NBEA: variants seen among roughly 807,000 people sequenced by gnomAD.
NBEA encodes neurobeachin.
Under a neutral mutation model 343.4 loss-of-function variants are expected in NBEA, and 44 were observed. The ratio of observed to expected loss-of-function variants is 0.13; its 90% CI spans 0.10 to 0.16. The LOEUF (loss-of-function observed/expected upper bound fraction) is 0.16. NBEA is among the 10% of genes least tolerant of loss of function. NBEA has a pLI of 1.00. For missense variants in NBEA, 2,555 were observed against 3,631.3 expected, an observed-to-expected ratio of 0.70 and a Z score of 7.62; for synonymous variants, 1,175 against 1,238.7, an observed-to-expected ratio of 0.95 and a Z score of 1.08.
At chr13:35,035,592 A>G (rs1270800065) in intron 1 of NBEA, among the ~76,000 whole-genome samples, 1 of 151,992 alleles carries the variant, frequency 6.6e-6, no homozygotes, top group African/African-American at 2.4e-5. Context: ...AGATGTGTCC[A>G]GTGCTGAAAG....
At chr13:35,469,779 T>C (rs559448778) in intron 40 of NBEA, among the ~76,000 whole-genome samples, 1 of 152,348 alleles carries the variant, frequency 6.6e-6, no homozygotes. Context: ...CAGAATCAGC[T>C]AGATCACCAT....
In NBEA at chr13:35,150,047, A is replaced by T. The variant is rs1296482491; in HGVS notation, c.2446-5727A>T. Among the ~76,000 whole-genome samples the T allele has an allele frequency of 3.9e-5, 6 of 152,316 alleles. No individual in the cohort carries two copies. In the East Asian group the frequency reaches 1.2e-3, roughly 29 times the overall value. On this transcript the variant is annotated intron_variant, in intron 18 of 58. Transcript: ENST00000379939. ...GCTGGTCCTGTGTCTTAGATGAGGA[A>T]AACTCAAGATAAGTTTGAATTCTCT... is the stretch of plus-strand genomic sequence containing the variant.
chr13:35,158,480 T>TAAGTA (rs915857867), intron 21 of NBEA, among the ~76,000 whole-genome samples: 1 of 152,092 alleles, frequency 6.6e-6, no homozygotes, highest in South Asian at 2.1e-4. Context: ...TAAAGAAGCC[T>TAAGTA]AAGTAAAGTA....
intron 13 of NBEA, among the ~76,000 whole-genome samples, chr13:35,112,021 G>A (rs1272851404): frequency 1.5e-4 from 22 of 146,612 alleles, no homozygotes; most frequent in African/African-American, 4.1e-4. Context: ...GGTTCATGCC[G>A]TTCTCCTGCC....
intron 6 of NBEA, among the ~76,000 whole-genome samples, chr13:35,055,779 C>T (rs1406795146): frequency 2.0e-5 from 3 of 152,014 alleles, no homozygotes; most frequent in South Asian, 2.1e-4. Context: ...AGGAACGTCA[C>T]GCTGGAGGTC....
At chr13:35,550,211 A>G (rs1309528347) in intron 41 of NBEA, among the ~76,000 whole-genome samples, 3 of 152,164 alleles carry the variant, frequency 2.0e-5, no homozygotes, top group African/African-American at 7.2e-5. Flanking sequence ...AATTATATAC[A>G]AGACCCAAAA....
intron 41 of NBEA, among the ~76,000 whole-genome samples, chr13:35,530,822 A>G (rs1375216239): frequency 1.3e-5 from 2 of 152,218 alleles, no homozygotes; most frequent in Non-Finnish European, 2.9e-5. Flanking sequence ...AGTGCCAGAA[A>G]CATGCCATCT....
At chr13:34,985,018 A>G (rs2060495730) in intron 1 of NBEA, among the ~76,000 whole-genome samples, 1 of 150,958 alleles carries the variant, frequency 6.6e-6, no homozygotes, top group Non-Finnish European at 1.5e-5. Flanking sequence ...TTCCTAATTG[A>G]ATATGCTTTA....
chr13:34,966,618 T>C (rs1693460869), intron 1 of NBEA, among the ~76,000 whole-genome samples: 1 of 150,404 alleles, frequency 6.6e-6, no homozygotes, highest in African/African-American at 2.5e-5. Flanking sequence ...TCTCTGAGCC[T>C]GTGTTTTTTT....
intron 38 of NBEA, among the ~76,000 whole-genome samples, chr13:35,415,071 G>A (rs1219125475): frequency 6.6e-6 from 1 of 152,128 alleles, no homozygotes; most frequent in Non-Finnish European, 1.5e-5. Context: ...CCCACTTTTT[G>A]ATGGGGTTGT....
intron 36 of NBEA, among the ~76,000 whole-genome samples, chr13:35,343,113 A>T (rs1010025549): frequency 6.6e-6 from 1 of 152,132 alleles, no homozygotes; most frequent in African/African-American, 2.4e-5. Flanking sequence ...CTATATTGAT[A>T]TTTTAAAAAA....
intron 47 of NBEA, among the ~76,000 whole-genome samples, chr13:35,603,691 G>A (rs1306843709): frequency 6.6e-6 from 1 of 152,142 alleles, no homozygotes. Context: ...TGTAGAGATA[G>A]GGCATGAGCA....
At chr13:35,000,341 T>G (rs1404681951) in intron 1 of NBEA, among the ~76,000 whole-genome samples, 2 of 151,994 alleles carry the variant, frequency 1.3e-5, no homozygotes, top group Non-Finnish European at 2.9e-5. Context: ...GGAGAGGAAG[T>G]ATAGAGGACA....
intron 34 of NBEA, among the ~76,000 whole-genome samples, chr13:35,240,786 G>A (rs1275493438): frequency 6.6e-6 from 1 of 151,742 alleles, no homozygotes; most frequent in African/African-American, 2.4e-5. Flanking sequence ...TTATAAGTAG[G>A]GAGAGGGTTA....
At chr13:35,356,365 GC>G (rs1432064746) in intron 38 of NBEA, among the ~76,000 whole-genome samples, 1 of 152,100 alleles carries the variant, frequency 6.6e-6, no homozygotes, top group Non-Finnish European at 1.5e-5. Context: ...TATTTCAACA[GC>G]AAAAGTTGCT....
intron 49 of NBEA, among the ~76,000 whole-genome samples, chr13:35,641,197 G>T (rs1274363880): frequency 1.3e-5 from 2 of 151,958 alleles, no homozygotes; most frequent in East Asian, 3.9e-4. Flanking sequence ...TTTATTTACA[G>T]CTTCGACCAT....
intron 41 of NBEA, among the ~76,000 whole-genome samples, chr13:35,525,887 G>A (rs1192126114): frequency 6.6e-6 from 1 of 152,070 alleles, no homozygotes; most frequent in African/African-American, 2.4e-5. Flanking sequence ...TCTTCTATAA[G>A]GGTACTAATT....
chr13:35,423,772 C>T (rs944479511), intron 38 of NBEA, among the ~76,000 whole-genome samples: 1 of 152,084 alleles, frequency 6.6e-6, no homozygotes, highest in Non-Finnish European at 1.5e-5. Flanking sequence ...TTGGTTCTTC[C>T]TACCCATGAG....
intron 36 of NBEA, among the ~76,000 whole-genome samples, chr13:35,334,833 C>T (rs2039152714): frequency 6.6e-6 from 1 of 152,108 alleles, no homozygotes; most frequent in South Asian, 2.1e-4. Context: ...CTGTTTCCTT[C>T]GTTGTGAAGA....
Sources: allele counts gnomAD v4.1 joint callset (sites outside exome capture counted in the v4.1 genomes callset), GRCh38; gene constraint gnomAD v4.1.1; transcripts MANE v1.5; gene names NCBI Gene and HGNC (gene_info 2026-07-23, HGNC 2026-07-21).